Variants in MOBP observed in about 807,000 individuals in gnomAD.
The protein encoded by MOBP is myelin associated oligodendrocyte basic protein, also known as myelin-associated oligodendrocyte basic protein.
MOBP carries 5 observed loss-of-function variants against 15.0 expected under a neutral mutation model. The observed-to-expected ratio is 0.33, with a 90% CI of 0.17 to 0.70. MOBP has a LOEUF of 0.70. Ranked by LOEUF, MOBP falls within the 30% of genes least tolerant of loss-of-function variation. MOBP has a pLI of 0.67. For missense variants in MOBP, 188 were observed against 257.8 expected, an observed-to-expected ratio of 0.73 and a Z score of 1.85; for synonymous variants, 88 against 99.0, an observed-to-expected ratio of 0.89 and a Z score of 0.66.
chr3:39,473,094 G>A (rs934105036), intron 1 of MOBP, among the ~76,000 whole-genome samples: 2 of 152,186 alleles, frequency 1.3e-5, no homozygotes, highest in Non-Finnish European at 2.9e-5. Flanking sequence ...TGCTCCAAGA[G>A]TGACTTCTTA....
intron 2 of MOBP, among the ~76,000 whole-genome samples, chr3:39,495,048 C>T (rs1559421222): frequency 6.6e-6 from 1 of 152,072 alleles, no homozygotes; most frequent in Non-Finnish European, 1.5e-5. Flanking sequence ...AGCTGTGGTC[C>T]AAGATGGCTC....
At chr3:39,527,160 G>A (rs2043333114), downstream of MOBP, 2 of 152,182 alleles carry the variant, frequency 1.3e-5, no homozygotes, top group Non-Finnish European at 2.9e-5. Context: ...GCAGAATTGG[G>A]AAGAGAAGCA....
intron 2 of MOBP, among the ~76,000 whole-genome samples, chr3:39,497,219 A>G (rs1315148359): frequency 6.6e-6 from 1 of 152,226 alleles, no homozygotes; most frequent in Non-Finnish European, 1.5e-5. Flanking sequence ...CACTTCCCTC[A>G]GGGCCCATCC....
downstream of MOBP, among the ~76,000 whole-genome samples, chr3:39,506,807 C>T (rs1340135651): frequency 5.3e-5 from 8 of 152,206 alleles, no homozygotes; most frequent in Non-Finnish European, 1.0e-4. Context: ...ATGGGCAAGG[C>T]ACCAGTAGTG....
intron 2 of MOBP, among the ~76,000 whole-genome samples, chr3:39,482,038 C>T (rs1559416735): frequency 6.6e-6 from 1 of 152,160 alleles, no homozygotes; most frequent in Non-Finnish European, 1.5e-5. Context: ...CTGAACTATT[C>T]ACATGACATC....
chr3:39,471,187 C>T (rs1033960766), intron 1 of MOBP, among the ~76,000 whole-genome samples: 4 of 148,298 alleles, frequency 2.7e-5, no homozygotes, highest in African/African-American at 5.0e-5. Flanking sequence ...GAGTGCAGTG[C>T]ACCAGCCTAG....
chr3:39,479,415 G>A (rs2042594330), intron 1 of MOBP, among the ~76,000 whole-genome samples: 1 of 142,028 alleles, frequency 7.0e-6, no homozygotes, highest in African/African-American at 2.6e-5. Flanking sequence ...TTTTCAAATA[G>A]CCCTTCTGAG....
chr3:39,469,320 C>T (rs2042433113), intron 1 of MOBP, among the ~76,000 whole-genome samples: 1 of 115,286 alleles, frequency 8.7e-6, no homozygotes, highest in Admixed American at 9.1e-5. Flanking sequence ...ATATTTATAT[C>T]TAATTAATTT....
chr3:39,472,954 A>C (rs1559413636), intron 1 of MOBP, among the ~76,000 whole-genome samples: 1 of 152,150 alleles, frequency 6.6e-6, no homozygotes, highest in African/African-American at 2.4e-5. Flanking sequence ...AGGAAAAAAA[A>C]ATAATTGGGG....
intron 1 of MOBP, among the ~76,000 whole-genome samples, chr3:39,473,549 G>A (rs1309227146): frequency 6.6e-6 from 1 of 152,148 alleles, no homozygotes; most frequent in Non-Finnish European, 1.5e-5. Flanking sequence ...GGTCCTGGAG[G>A]GATAAGGGCA....
rs894060847 is a variant in MOBP at position 39,513,645 on chromosome 3, G to A, written c.*262G>A. The stretch of plus-strand genomic sequence containing the variant: ...TCTCTGTGTGTTGTACTCCAGTCAG[G>A]GGGTTCCAGCAGCACCCGCAGGCTC... On this transcript the variant is annotated 3_prime_UTR_variant, in exon 5 of 5. Coordinates refer to the MOBP transcript ENST00000311042. 5 of 554,726 alleles carry A rather than the reference G, an allele frequency of 9.0e-6. No homozygotes were observed. In the African/African-American group the frequency reaches 9.4e-5, roughly 10 times the overall value. 34.4% of individuals were successfully genotyped at this position (554,726 alleles called of 1,614,324 possible).
downstream of MOBP, chr3:39,527,174 A>G (rs2043333262): frequency 6.6e-6 from 1 of 152,134 alleles, no homozygotes; most frequent in Non-Finnish European, 1.5e-5. Context: ...AGAAGCACAC[A>G]ATTGACTCTC....
intron 3 of MOBP, among the ~76,000 whole-genome samples, chr3:39,523,468 A>T (rs891732794): frequency 5.9e-5 from 9 of 152,212 alleles, no homozygotes; most frequent in Admixed American, 2.6e-4. Context: ...TTGGATCTGG[A>T]GATCAATTTA....
intron 2 of MOBP, among the ~76,000 whole-genome samples, chr3:39,494,916 G>A (rs561543): frequency 0.29 from 43,093 of 150,938 alleles, 7,398 homozygotes; most frequent in African/African-American, 0.49. Context: ...TCTCATATAA[G>A]AGGTGTTCAG....
downstream of MOBP, among the ~76,000 whole-genome samples, chr3:39,517,255 A>G (rs182701921): frequency 1.2e-4 from 19 of 152,296 alleles, no homozygotes; most frequent in South Asian, 1.5e-3. Context: ...AGCATCAACT[A>G]TGCATTCACC....
At chr3:39,520,458 G>C (rs2043251405), downstream of MOBP, among the ~76,000 whole-genome samples, 1 of 151,912 alleles carries the variant, frequency 6.6e-6, no homozygotes, top group Admixed American at 6.6e-5. Context: ...GTGAGCTCTT[G>C]GGGTCCTAAT....
At chr3:39,479,872 G>A (rs2042603967) in intron 1 of MOBP, among the ~76,000 whole-genome samples, 168 bp from the exon 2 acceptor site, 1 of 150,328 alleles carries the variant, frequency 6.7e-6, no homozygotes, top group African/African-American at 2.4e-5. Flanking sequence ...TTTTGTGACT[G>A]TATCTTTCCC....
intron 1 of MOBP, among the ~76,000 whole-genome samples, chr3:39,468,822 ATTACATATG>A (rs1406644853): frequency 1.1e-4 from 13 of 117,832 alleles, no homozygotes; most frequent in African/African-American, 6.4e-4. Flanking sequence ...GTGTATACAT[ATTACATATG>A]TGTGTATATA....
chr3:39,527,499 G>A (rs1003632702), downstream of MOBP: 1 of 148,682 alleles, frequency 6.7e-6, no homozygotes, highest in African/African-American at 2.5e-5. Flanking sequence ...GAGTGCAATG[G>A]CACGCAATCT....
Sources: gnomAD v4.1 joint callset for allele counts (sites outside exome capture counted in the v4.1 genomes callset) on GRCh38, gnomAD v4.1.1 for gene constraint, MANE v1.5 for transcripts, NCBI Gene and HGNC (gene_info 2026-07-23, HGNC 2026-07-21) for gene names.